Variants in PRKAR1A observed in about 807,000 individuals in gnomAD.
PRKAR1A encodes the protein cAMP-dependent protein kinase type I-alpha regulatory subunit.
Under a neutral mutation model 52.0 loss-of-function variants are expected in PRKAR1A, and 3 were observed. The ratio of observed to expected loss-of-function variants is 0.06; its 90% CI spans 0.03 to 0.15. The LOEUF (loss-of-function observed/expected upper bound fraction) is 0.15, where lower values mean the gene tolerates loss of function less well. Among genes scored for constraint, PRKAR1A ranks in the 10% least tolerant of loss-of-function variants. PRKAR1A has a pLI of 1.00. For missense variants in PRKAR1A, 240 were observed against 477.4 expected (o/e 0.50, Z 4.63); for synonymous variants, 188 against 168.4 (o/e 1.12, Z -0.90).
chr17:68,536,798 G>A (rs2086109449), downstream of PRKAR1A: 1 of 453,890 alleles, frequency 2.2e-6, no homozygotes, highest in Non-Finnish European at 4.4e-6. Flanking sequence ...CATATTTGAT[G>A]TTATTTCAAT....
intron 2 of PRKAR1A, among the ~76,000 whole-genome samples, chr17:68,521,678 A>T (rs919460615): frequency 2.0e-5 from 3 of 152,270 alleles, no homozygotes; most frequent in Non-Finnish European, 2.9e-5. Flanking sequence ...TAGGTTACAT[A>T]TTCACATATT....
At chr17:68,519,649 T>C (rs921198276) in intron 2 of PRKAR1A, among the ~76,000 whole-genome samples, 1 of 152,226 alleles carries the variant, frequency 6.6e-6, no homozygotes, top group African/African-American at 2.4e-5. Context: ...TGTGTTTCTG[T>C]TACCTTCAAC....
intron 11 of PRKAR1A, among the ~76,000 whole-genome samples, chr17:68,548,159 C>G (rs1296532376): frequency 6.6e-6 from 1 of 152,154 alleles, no homozygotes; most frequent in Non-Finnish European, 1.5e-5. Context: ...CTTTGGAAGG[C>G]CAAGGTTGGC....
intron 11 of PRKAR1A, chr17:68,541,046 C>T (rs2086267407): frequency 6.5e-7 from 1 of 1,534,006 alleles, no homozygotes; most frequent in South Asian, 1.2e-5. Flanking sequence ...CCCCCCCAAT[C>T]CCTGCCTCCC....
At chr17:68,472,714 G>A in the PRKAR1A span, among the ~76,000 whole-genome samples, 1 of 152,130 alleles carries the variant, frequency 6.6e-6, no homozygotes, top group Admixed American at 6.5e-5. Flanking sequence ...GGGAGGCCGA[G>A]GTGGGCAGAT....
the PRKAR1A span, among the ~76,000 whole-genome samples, chr17:68,437,470 G>T: frequency 2.0e-5 from 3 of 151,838 alleles, no homozygotes; most frequent in African/African-American, 7.3e-5. Context: ...CAGGAGAATT[G>T]CTTAAACCTG....
the PRKAR1A span, chr17:68,427,064 G>A: frequency 1.5e-5 from 19 of 1,273,702 alleles, no homozygotes; most frequent in East Asian, 4.4e-4. Flanking sequence ...GGAAGGGGAG[G>A]GAGCGTGCAG....
chr17:68,523,154 C>T (rs1450877240), intron 3 of PRKAR1A, among the ~76,000 whole-genome samples: 2 of 152,076 alleles, frequency 1.3e-5, no homozygotes, highest in East Asian at 1.9e-4. Flanking sequence ...TTTGTTATTT[C>T]CTTGCAGTTG....
At chr17:68,414,881 C>T in the PRKAR1A span, among the ~76,000 whole-genome samples, 1 of 152,046 alleles carries the variant, frequency 6.6e-6, no homozygotes, top group Admixed American at 6.6e-5. Flanking sequence ...TGTAATATCT[C>T]CTGTTTTGTT....
At chr17:68,508,783 T>C (rs1477205774), upstream of PRKAR1A, among the ~76,000 whole-genome samples, 1 of 152,192 alleles carries the variant, frequency 6.6e-6, no homozygotes, top group East Asian at 1.9e-4. Context: ...ACCCTTCTGG[T>C]TTCTTGGTTA....
intron 2 of PRKAR1A, among the ~76,000 whole-genome samples, chr17:68,519,638 T>C (rs966046606): frequency 6.6e-6 from 1 of 152,170 alleles, no homozygotes; most frequent in African/African-American, 2.4e-5. Flanking sequence ...TACTGGGGGG[T>C]TGTGTTTCTG....
the PRKAR1A span, among the ~76,000 whole-genome samples, chr17:68,480,706 C>A: frequency 6.6e-6 from 1 of 152,110 alleles, no homozygotes. Context: ...TGCCGTGAGG[C>A]TTGGCTGATT....
At chr17:68,551,108 G>T in exon 12 of PRKAR1A, 1 of 1,234,090 alleles carries the variant, frequency 8.1e-7, no homozygotes, top group Admixed American at 4.2e-5. Context: ...TCAAGGAGGA[G>T]CATTCCCCTG....
At chr17:68,425,736 A>C in the PRKAR1A span, among the ~76,000 whole-genome samples, 3 of 152,098 alleles carry the variant, frequency 2.0e-5, no homozygotes, top group Admixed American at 2.0e-4. Context: ...TAAGTTTTAG[A>C]CAAGTCACGT....
chr17:68,432,512 G>C, the PRKAR1A span, among the ~76,000 whole-genome samples: 3 of 152,194 alleles, frequency 2.0e-5, no homozygotes, highest in Non-Finnish European at 4.4e-5. Context: ...ACTTTGGGAG[G>C]TTGAGGCGGG....
chr17:68,463,709 G>T, the PRKAR1A span, among the ~76,000 whole-genome samples: 18 of 152,266 alleles, frequency 1.2e-4, no homozygotes, highest in African/African-American at 4.3e-4. Context: ...AAGGGAGCAG[G>T]TTATGCAGTC....
downstream of PRKAR1A, chr17:68,537,569 A>T (rs754141585): frequency 6.2e-7 from 1 of 1,612,852 alleles, no homozygotes; most frequent in Admixed American, 1.7e-5. This position sits in a 1 kb window ranked among gnomAD's most constrained non-coding sequence, Gnocchi z 4.2. Flanking sequence ...GCCACTATGC[A>T]CCCCTCCACT....
At chr17:68,424,714 A>G in the PRKAR1A span, among the ~76,000 whole-genome samples, 1 of 152,178 alleles carries the variant, frequency 6.6e-6, no homozygotes, top group Non-Finnish European at 1.5e-5. Context: ...CGTCTCTACT[A>G]AAAATACAAA....
the PRKAR1A span, among the ~76,000 whole-genome samples, chr17:68,433,774 T>TG: frequency 1.6e-3 from 55 of 35,226 alleles, no homozygotes; most frequent in African/African-American, 3.9e-3. Context: ...TTTTTTTTTT[T>TG]TTTTTTTTTT....
Sources: allele counts gnomAD v4.1 joint callset (sites outside exome capture counted in the v4.1 genomes callset), GRCh38; gene constraint gnomAD v4.1.1; non-coding constraint Gnocchi (gnomAD v3.1); transcripts MANE v1.5; gene names NCBI Gene and HGNC (gene_info 2026-07-23, HGNC 2026-07-21).